CACNB2: variants seen among roughly 807,000 people sequenced by gnomAD.
The protein encoded by CACNB2 is calcium voltage-gated channel auxiliary subunit beta 2.
In CACNB2, 42 loss-of-function variants were observed where a neutral mutation model predicts 73.3. That is an observed-to-expected ratio of 0.57 (90% CI 0.45 to 0.74). The LOEUF is 0.74. Among genes scored for constraint, CACNB2 ranks in the 30% least tolerant of loss-of-function variants. The pLI is 0.00. For missense variants in CACNB2, 940 were observed against 853.0 expected (o/e 1.10, Z -1.27); for synonymous variants, 348 against 310.3 (o/e 1.12, Z -1.28).
chr10:18,234,949 C>T (rs2131468495), intron 2 of CACNB2, among the ~76,000 whole-genome samples: 1 of 150,702 alleles, frequency 6.6e-6, no homozygotes, highest in East Asian at 2.0e-4. Flanking sequence ...CGAGACCATC[C>T]TGGCTAACAC....
chr10:18,195,973 T>TTC (rs536484131), intron 2 of CACNB2, among the ~76,000 whole-genome samples: 372 of 152,290 alleles, frequency 2.4e-3, no homozygotes, highest in South Asian at 4.8e-3. Context: ...AATTCTTTAT[T>TTC]TCTCTCTCTG....
intron 2 of CACNB2, among the ~76,000 whole-genome samples, chr10:18,269,115 T>A (rs978172557): frequency 2.0e-5 from 3 of 152,222 alleles, no homozygotes; most frequent in African/African-American, 7.2e-5. Flanking sequence ...TGAGTTGATT[T>A]GCACTGTGGT....
At chr10:18,158,503 T>C (rs2032219905) in intron 2 of CACNB2, among the ~76,000 whole-genome samples, 2 of 152,218 alleles carry the variant, frequency 1.3e-5, no homozygotes, top group South Asian at 4.1e-4. Flanking sequence ...CCGTAGAAAC[T>C]CTTTGGCTAT....
chr10:18,427,533 G>T (rs1474730107), intron 3 of CACNB2, among the ~76,000 whole-genome samples: 1 of 151,950 alleles, frequency 6.6e-6, no homozygotes, highest in Non-Finnish European at 1.5e-5. Context: ...CTCTCTTCTT[G>T]GGAAGAGTTT....
intron 2 of CACNB2, among the ~76,000 whole-genome samples, chr10:18,186,413 C>G (rs2034153984): frequency 6.8e-6 from 1 of 147,996 alleles, no homozygotes; most frequent in Admixed American, 6.6e-5. Flanking sequence ...GAGTGAAACT[C>G]CGTCTGAAAA....
chr10:18,265,432 T>C (rs1441540961), intron 2 of CACNB2, among the ~76,000 whole-genome samples: 2 of 152,086 alleles, frequency 1.3e-5, no homozygotes, highest in African/African-American at 4.8e-5. Flanking sequence ...CACCCGGCCA[T>C]TTAGCCATCT....
At chr10:18,490,117 A>G (rs112077723) in intron 3 of CACNB2, among the ~76,000 whole-genome samples, 2,307 of 152,218 alleles carry the variant, frequency 0.015, 108 homozygotes, top group South Asian at 0.15. Flanking sequence ...GGCTCAAGCA[A>G]TCCACCTGCC....
chr10:18,531,238 A>G (rs905850333), intron 10 of CACNB2, among the ~76,000 whole-genome samples: 1 of 152,148 alleles, frequency 6.6e-6, no homozygotes, highest in African/African-American at 2.4e-5. Context: ...CTCCTTCTAA[A>G]TAAGTTAACT....
chr10:18,210,323 G>T (rs755915592), intron 2 of CACNB2, among the ~76,000 whole-genome samples: 13 of 152,180 alleles, frequency 8.5e-5, no homozygotes, highest in Non-Finnish European at 1.8e-4. Context: ...GTGTGTGTAG[G>T]TATACATATA....
At chr10:18,194,006 G>A (rs1192200165) in intron 2 of CACNB2, among the ~76,000 whole-genome samples, 1 of 152,178 alleles carries the variant, frequency 6.6e-6, no homozygotes, top group African/African-American at 2.4e-5. Flanking sequence ...AGCTTCTGGA[G>A]TATTGGGTTG....
At chr10:18,494,921 A>T (rs1470223338) in intron 3 of CACNB2, among the ~76,000 whole-genome samples, 2 of 152,134 alleles carry the variant, frequency 1.3e-5, no homozygotes, top group African/African-American at 2.4e-5. Context: ...AAAAAATAAA[A>T]TGTAAAAACT....
At chr10:18,323,145 G>T (rs546469068) in intron 2 of CACNB2, among the ~76,000 whole-genome samples, 1 of 151,306 alleles carries the variant, frequency 6.6e-6, no homozygotes, top group African/African-American at 2.4e-5. Context: ...TTTTTGTAGT[G>T]ATGGGGTATC....
intron 2 of CACNB2, among the ~76,000 whole-genome samples, chr10:18,197,760 T>A (rs1200757830): frequency 6.6e-6 from 1 of 152,016 alleles, no homozygotes; most frequent in Non-Finnish European, 1.5e-5. Context: ...TGGGATTCCT[T>A]TGAGCCAAAA....
chr10:18,320,407 A>G (rs1039402001), intron 2 of CACNB2, among the ~76,000 whole-genome samples: 2 of 152,196 alleles, frequency 1.3e-5, no homozygotes, highest in African/African-American at 4.8e-5. Context: ...GTTTGGTGAA[A>G]TGAGTGAACA....
chr10:18,504,593 GA>G (rs1030020810), intron 5 of CACNB2, among the ~76,000 whole-genome samples: 4 of 152,006 alleles, frequency 2.6e-5, no homozygotes, highest in African/African-American at 9.7e-5. Flanking sequence ...CTAAGTATGT[GA>G]AAATACTTTT....
chr10:18,296,548 T>C (rs1202502098), intron 2 of CACNB2, among the ~76,000 whole-genome samples: 1 of 152,164 alleles, frequency 6.6e-6, no homozygotes, highest in Non-Finnish European at 1.5e-5. Context: ...TCACACCAGG[T>C]GGCTTCAGTG....
At chr10:18,359,565 C>T (rs557004976) in intron 2 of CACNB2, among the ~76,000 whole-genome samples, 8 of 152,066 alleles carry the variant, frequency 5.3e-5, no homozygotes, top group South Asian at 4.2e-4. Context: ...TGAACCACCA[C>T]ACCCAGCCTG....
chr10:18,344,629 C>T (rs187813110), intron 2 of CACNB2, among the ~76,000 whole-genome samples: 1 of 152,026 alleles, frequency 6.6e-6, no homozygotes, highest in Admixed American at 6.6e-5. Context: ...ACCTCGGCCT[C>T]CCAAAGTGCT....
At chr10:18,359,488 C>G (rs113099917) in intron 2 of CACNB2, among the ~76,000 whole-genome samples, 14,783 of 151,998 alleles carry the variant, frequency 0.097, 901 homozygotes, top group Non-Finnish European at 0.13. Flanking sequence ...TGGCCAGGCT[C>G]GTCTTGAATT....
Sources: allele counts gnomAD v4.1 joint callset (sites outside exome capture counted in the v4.1 genomes callset), GRCh38; gene constraint gnomAD v4.1.1; transcripts MANE v1.5; gene names NCBI Gene and HGNC (gene_info 2026-07-23, HGNC 2026-07-21).